Variants in ULK4 observed in about 807,000 individuals in gnomAD.
ULK4 encodes the protein unc-51 like kinase 4, also known as inactive serine/threonine-protein kinase ULK4.
A neutral mutation model predicts 160.6 loss-of-function variants in ULK4; 133 were observed. The ratio of observed to expected loss-of-function variants is 0.83; its 90% CI spans 0.72 to 0.96. The LOEUF (loss-of-function observed/expected upper bound fraction) is 0.96, where lower values mean the gene tolerates loss of function less well. Ranked by LOEUF, ULK4 falls within the 40% of genes least tolerant of loss-of-function variation. The probability of loss-of-function intolerance (pLI) is 0.00; values close to 1 mark genes in which losing one functional copy is unlikely to be tolerated. For missense variants in ULK4, 1,580 were observed against 1,499.5 expected (o/e 1.05, Z -0.89); for synonymous variants, 534 against 539.8 (o/e 0.99, Z 0.15).
intron 30 of ULK4, among the ~76,000 whole-genome samples, chr3:41,660,887 A>G (rs1201729886): frequency 6.6e-6 from 1 of 152,198 alleles, no homozygotes; most frequent in Non-Finnish European, 1.5e-5. Flanking sequence ...TCAGTCAACA[A>G]AATGATTTAG....
At chr3:41,802,473 T>A (rs55788971) in intron 19 of ULK4, among the ~76,000 whole-genome samples, 18,824 of 152,060 alleles carry the variant, frequency 0.12, 1,344 homozygotes, top group Middle Eastern at 0.26. Flanking sequence ...ATTTTTTTTA[T>A]TTTTTAACAG....
At chr3:41,675,747 T>C (rs1438810740) in intron 29 of ULK4, among the ~76,000 whole-genome samples, 4 of 151,928 alleles carry the variant, frequency 2.6e-5, no homozygotes, top group Non-Finnish European at 1.5e-5. Flanking sequence ...AAGCACAAAT[T>C]GGAGTGATAC....
intron 35 of ULK4, among the ~76,000 whole-genome samples, chr3:41,296,402 C>CA (rs1362074598): frequency 2.6e-5 from 4 of 152,098 alleles, no homozygotes; most frequent in Admixed American, 6.5e-5. Flanking sequence ...GGTGTTCACC[C>CA]AGGGGCAAGC....
chr3:41,506,753 G>T (rs1424310389), intron 32 of ULK4, among the ~76,000 whole-genome samples: 1 of 12,972 alleles, frequency 7.7e-5, no homozygotes, highest in Non-Finnish European at 2.5e-4. Flanking sequence ...GCAATACACT[G>T]GAGTGTGATT....
chr3:41,584,411 C>T (rs1461320142), intron 31 of ULK4, among the ~76,000 whole-genome samples: 1 of 152,092 alleles, frequency 6.6e-6, no homozygotes, highest in Non-Finnish European at 1.5e-5. Flanking sequence ...CCTGCCTCAG[C>T]CTCCCAAGTA....
At chr3:41,726,751 C>T (rs183587808) in intron 22 of ULK4, among the ~76,000 whole-genome samples, 1 of 152,256 alleles carries the variant, frequency 6.6e-6, no homozygotes, top group African/African-American at 2.4e-5. Context: ...GCTCTGATTA[C>T]AAGTATGCGC....
At chr3:41,402,735 G>A (rs1436668950) in intron 34 of ULK4, among the ~76,000 whole-genome samples, 1 of 152,122 alleles carries the variant, frequency 6.6e-6, no homozygotes, top group African/African-American at 2.4e-5. Context: ...TTTATACATT[G>A]ATGTATTCAA....
intron 32 of ULK4, among the ~76,000 whole-genome samples, chr3:41,499,463 TAG>T (rs1559651998): frequency 6.6e-6 from 1 of 152,206 alleles, no homozygotes; most frequent in Admixed American, 6.5e-5. Context: ...TTCCTATGTG[TAG>T]AGTGTTGAGG....
intron 32 of ULK4, among the ~76,000 whole-genome samples, chr3:41,506,770 ATATATATATAT>A (rs2085399494): frequency 4.0e-5 from 4 of 100,164 alleles, no homozygotes; most frequent in African/African-American, 1.3e-4. Context: ...GATTTAAAAT[ATATATATATAT>A]ATATATATAT....
rs569391421 is a variant in ULK4, at chr3:41,810,333, T to C, written c.1848+9090A>G. Among the ~76,000 whole-genome samples the C allele has an allele frequency of 3.9e-4, 59 of 152,364 alleles. 1 individual carries two copies. In the Middle Eastern group the frequency reaches 0.01, roughly 26 times the overall value. On this transcript the variant is annotated intron_variant, in intron 19 of 36. Coordinates refer to ENST00000301831, the MANE Select transcript of ULK4 (RefSeq NM_017886.4). ...GTTTTGACATGCAGTGTTTCCATTA[T>C]TGTTACTATATAGACAGTCCCAAGT...
At chr3:41,920,544 C>T (rs1699147631) in intron 5 of ULK4, among the ~76,000 whole-genome samples, 1 of 152,142 alleles carries the variant, frequency 6.6e-6, no homozygotes, top group Non-Finnish European at 1.5e-5. Flanking sequence ...GATACTTAAC[C>T]TCCAGTAAAT....
At chr3:41,842,719 G>A (rs1365744839) in intron 17 of ULK4, among the ~76,000 whole-genome samples, 1 of 152,156 alleles carries the variant, frequency 6.6e-6, no homozygotes, top group African/African-American at 2.4e-5. Flanking sequence ...TCTATAGCCT[G>A]CAGAACCGTG....
intron 17 of ULK4, among the ~76,000 whole-genome samples, chr3:41,872,513 T>C (rs1697134222): frequency 6.6e-6 from 1 of 152,206 alleles, no homozygotes; most frequent in African/African-American, 2.4e-5. Context: ...TCTATGCCCT[T>C]GGTGTGAACT....
At chr3:41,937,026 A>G (rs1264572623) in intron 3 of ULK4, 1 of 289,342 alleles carries the variant, frequency 3.5e-6, no homozygotes, top group Non-Finnish European at 6.4e-6. Flanking sequence ...CCCCATAAAT[A>G]TTAATACACA....
chr3:41,815,217 T>C (rs1306381867), intron 19 of ULK4, among the ~76,000 whole-genome samples: 1 of 152,236 alleles, frequency 6.6e-6, no homozygotes, highest in African/African-American at 2.4e-5. Context: ...AATTCTGTTT[T>C]ATAGTCATTT....
chr3:41,341,038 C>T (rs993006143), intron 35 of ULK4, among the ~76,000 whole-genome samples: 1 of 152,190 alleles, frequency 6.6e-6, no homozygotes, highest in Non-Finnish European at 1.5e-5. Flanking sequence ...ATAGAGCCAT[C>T]TTCCTCAAAT....
At chr3:41,608,904 A>C (rs1477742327) in intron 31 of ULK4, among the ~76,000 whole-genome samples, 7 of 152,228 alleles carry the variant, frequency 4.6e-5, no homozygotes, top group Non-Finnish European at 1.0e-4. Flanking sequence ...TGGGAAGTAC[A>C]CTGTTCAACA....
In ULK4 at chr3:41,443,219, T is replaced by C. The variant is rs2083213014; in HGVS notation, c.3492+12278A>G. ...TCTCAAATGGTAGTAGTTTCAATAATCCTACAGTCAGCTCTTTCTTCTGTA... is the reference window on the plus strand; with the variant it reads ...TCTCAAATGGTAGTAGTTTCAATAACCCTACAGTCAGCTCTTTCTTCTGTA... On this transcript the variant is annotated intron_variant, in intron 34 of 36. Transcript: ENST00000301831. 3.3e-5 allele frequency among the ~76,000 whole-genome samples: 5 copies of C among 152,346 alleles called. No homozygotes were observed. In the South Asian group the frequency reaches 1.0e-3, roughly 32 times the overall value.
intron 31 of ULK4, among the ~76,000 whole-genome samples, chr3:41,599,520 T>C (rs1334813420): frequency 1.3e-5 from 2 of 152,058 alleles, no homozygotes; most frequent in Non-Finnish European, 2.9e-5. Context: ...CAGGAGAGAA[T>C]GTACTTAAAC....
Sources: gnomAD v4.1 joint callset for allele counts (sites outside exome capture counted in the v4.1 genomes callset) on GRCh38, gnomAD v4.1.1 for gene constraint, MANE v1.5 for transcripts, NCBI Gene and HGNC (gene_info 2026-07-23, HGNC 2026-07-21) for gene names.